Variants in DLGAP2 observed in about 807,000 individuals in gnomAD.
DLGAP2 encodes disks large-associated protein 2.
Under a neutral mutation model 100.3 loss-of-function variants are expected in DLGAP2, and 26 were observed. The ratio of observed to expected loss-of-function variants is 0.26; its 90% CI spans 0.19 to 0.36. DLGAP2 has a LOEUF of 0.36. Among genes scored for constraint, DLGAP2 ranks in the 10% least tolerant of loss-of-function variants. DLGAP2 has a pLI of 1.00. For synonymous variants in DLGAP2, 886 were observed against 630.1 expected (o/e 1.41, Z -6.08); for missense variants, 1,858 against 1,453.2 (o/e 1.28, Z -4.53).
intron 2 of DLGAP2, among the ~76,000 whole-genome samples, chr8:1,085,606 T>C (rs1803950008): frequency 6.6e-6 from 1 of 152,248 alleles, no homozygotes; most frequent in Non-Finnish European, 1.5e-5. Context: ...CTGGGCTCTC[T>C]GTTCTGTTCC....
At chr8:1,236,429 TAC>T (rs202148321) in intron 2 of DLGAP2, among the ~76,000 whole-genome samples, 68 of 8,504 alleles carry the variant, frequency 8.0e-3, no homozygotes, top group African/African-American at 0.039. Flanking sequence ...CATGTCTAGT[TAC>T]CTCTCACATG....
intron 4 of DLGAP2, among the ~76,000 whole-genome samples, chr8:1,527,541 G>A (rs1278852261): frequency 6.6e-6 from 1 of 152,218 alleles, no homozygotes; most frequent in Non-Finnish European, 1.5e-5. Flanking sequence ...CCATGGAGAG[G>A]GAAGTAAAAT....
intron 2 of DLGAP2, among the ~76,000 whole-genome samples, chr8:1,223,975 A>C (rs1202720209): frequency 6.6e-6 from 1 of 152,206 alleles, no homozygotes; most frequent in Admixed American, 6.5e-5. Flanking sequence ...ATTTTACCTT[A>C]TTAATTTTGA....
chr8:1,498,242 G>A (rs369465926), intron 3 of DLGAP2, among the ~76,000 whole-genome samples: 7 of 152,278 alleles, frequency 4.6e-5, no homozygotes, highest in African/African-American at 1.7e-4. Flanking sequence ...CAGGCAGCAG[G>A]CTGCAAAGAG....
chr8:866,615 T>C (rs1797503018), intron 1 of DLGAP2, among the ~76,000 whole-genome samples: 1 of 152,128 alleles, frequency 6.6e-6, no homozygotes. Flanking sequence ...GAGTTGGCCT[T>C]GGTCCATGTG....
At chr8:1,457,317 A>C (rs1475836152) in intron 3 of DLGAP2, among the ~76,000 whole-genome samples, 1 of 152,206 alleles carries the variant, frequency 6.6e-6, no homozygotes, top group Admixed American at 6.5e-5. Context: ...ATGGTTGCAG[A>C]GAGAAAACAA....
intron 1 of DLGAP2, among the ~76,000 whole-genome samples, chr8:840,379 C>A (rs1217430302): frequency 7.6e-6 from 1 of 131,406 alleles, no homozygotes; most frequent in African/African-American, 3.0e-5. Context: ...TGCACGTTTC[C>A]CTACACTCTG....
At chr8:1,288,678 AGT>A (rs1163735040) in intron 3 of DLGAP2, among the ~76,000 whole-genome samples, 67 of 118,328 alleles carry the variant, frequency 5.7e-4, no homozygotes, top group South Asian at 1.2e-3. Context: ...GTTTCGGTTC[AGT>A]GTGTGTGTGT....
intron 2 of DLGAP2, among the ~76,000 whole-genome samples, chr8:1,102,719 T>G (rs1804625229): frequency 6.6e-6 from 1 of 152,132 alleles, no homozygotes; most frequent in Non-Finnish European, 1.5e-5. Context: ...TAGGCACCTT[T>G]GCGTCTGCAC....
At chr8:1,475,001 T>C (rs935278597) in intron 3 of DLGAP2, among the ~76,000 whole-genome samples, 9 of 151,926 alleles carry the variant, frequency 5.9e-5, no homozygotes, top group African/African-American at 2.2e-4. Flanking sequence ...CAAAGGGGGA[T>C]TGAATAAAGA....
chr8:1,674,563 T>C (rs1171664793), intron 10 of DLGAP2, among the ~76,000 whole-genome samples: 6 of 152,236 alleles, frequency 3.9e-5, no homozygotes, highest in Non-Finnish European at 8.8e-5. Context: ...TCCACATTTT[T>C]ATGATAAAAA....
chr8:1,140,208 G>A (rs565343867), intron 2 of DLGAP2, among the ~76,000 whole-genome samples: 19 of 152,252 alleles, frequency 1.2e-4, no homozygotes, highest in Non-Finnish European at 2.2e-4. Context: ...ATGAAACTCC[G>A]GGCCTCAGCG....
At chr8:1,080,026 G>T (rs1347336974) in intron 2 of DLGAP2, among the ~76,000 whole-genome samples, 1 of 152,204 alleles carries the variant, frequency 6.6e-6, no homozygotes, top group East Asian at 1.9e-4. Flanking sequence ...TTCTGAAAGA[G>T]GAGTGGGTTA....
At chr8:1,046,685 G>A (rs1169230410) in intron 2 of DLGAP2, among the ~76,000 whole-genome samples, 1 of 152,220 alleles carries the variant, frequency 6.6e-6, no homozygotes, top group Non-Finnish European at 1.5e-5. Flanking sequence ...TCAGTGTCTT[G>A]CATATGTAGC....
intron 2 of DLGAP2, among the ~76,000 whole-genome samples, chr8:1,171,661 C>A (rs969941536): frequency 6.6e-6 from 1 of 152,156 alleles, no homozygotes; most frequent in Admixed American, 6.5e-5. Context: ...CAACTTTGAT[C>A]TTTGTTGGTT....
intron 6 of DLGAP2, among the ~76,000 whole-genome samples, chr8:1,593,702 A>C (rs1563244163): frequency 6.6e-6 from 1 of 151,806 alleles, no homozygotes; most frequent in Admixed American, 6.6e-5. Context: ...GAGCTCCCAG[A>C]GTCTGGCCTC....
chr8:1,071,209 T>A (rs926356064), intron 2 of DLGAP2, among the ~76,000 whole-genome samples: 1 of 152,188 alleles, frequency 6.6e-6, no homozygotes, highest in African/African-American at 2.4e-5. Flanking sequence ...AGCTTTTGTG[T>A]GATGATAAAA....
intron 3 of DLGAP2, among the ~76,000 whole-genome samples, chr8:1,334,355 G>C (rs1801224159): frequency 6.6e-6 from 1 of 152,170 alleles, no homozygotes; most frequent in African/African-American, 2.4e-5. Context: ...TCATCCACCT[G>C]TCACCAACCC....
intron 1 of DLGAP2, among the ~76,000 whole-genome samples, chr8:804,953 T>G (rs1349656952): frequency 6.6e-6 from 1 of 152,090 alleles, no homozygotes; most frequent in East Asian, 1.9e-4. Flanking sequence ...TGTTTTTTTG[T>G]AGAGACGAGG....
Sources: allele counts gnomAD v4.1 joint callset (sites outside exome capture counted in the v4.1 genomes callset), GRCh38; gene constraint gnomAD v4.1.1; transcripts MANE v1.5; gene names NCBI Gene and HGNC (gene_info 2026-07-23, HGNC 2026-07-21).